Variants in GPR137C observed in about 807,000 individuals in gnomAD.
The protein encoded by GPR137C is integral membrane protein GPR137C.
A neutral mutation model predicts 43.4 loss-of-function variants in GPR137C; 27 were observed. The ratio of observed to expected loss-of-function variants is 0.62; its 90% CI spans 0.46 to 0.86. The LOEUF is 0.86. GPR137C is among the 40% of genes least tolerant of loss of function. GPR137C has a pLI of 0.00. For synonymous variants in GPR137C, 285 were observed against 226.9 expected (o/e 1.26, Z -2.30); for missense variants, 522 against 534.6 (o/e 0.98, Z 0.23).
At chr14:52,591,168 T>A (rs890286960) in intron 1 of GPR137C, among the ~76,000 whole-genome samples, 1 of 152,208 alleles carries the variant, frequency 6.6e-6, no homozygotes, top group African/African-American at 2.4e-5. Context: ...AACTCATTCT[T>A]TTTTATGGCT....
At position 52,553,532 on chromosome 14, in the gene GPR137C, T is replaced by G; in HGVS notation, c.385T>G (p.Cys129Gly). 1 of 1,609,568 alleles carries G rather than the reference T, an allele frequency of 6.2e-7. No homozygotes were observed. Among genetic ancestry groups the G allele is most frequent in the Non-Finnish European group, 8.5e-7 (1 of 1,179,524 alleles). The change falls in exon 1 of 7, where the codon TGC (cysteine) becomes GGC (glycine). Residue 129 changes from cysteine to glycine, a missense_variant. By Grantham distance (159) the Cys-to-Gly change is radical. Coordinates refer to ENST00000321662, the MANE Select transcript of GPR137C (RefSeq NM_001099652.2). The stretch of plus-strand genomic sequence containing the variant: ...CTTCTTCCCCCACTGGCTGCTCTAC[T>G]GCTTCCCCTCCTGTCTCCAGTTCTC... ...LHFFPHWLLY[C>G]FPSCLQFSTL... is the part of the protein sequence containing the mutation.
chr14:52,619,933 GAAA>G (rs574324074), intron 3 of GPR137C, among the ~76,000 whole-genome samples: 1 of 151,696 alleles, frequency 6.6e-6, no homozygotes, highest in East Asian at 1.9e-4. Flanking sequence ...AAGATTATTT[GAAA>G]AAAAATACAT....
chr14:52,567,967 C>G (rs1435416252), intron 1 of GPR137C, among the ~76,000 whole-genome samples: 1 of 152,072 alleles, frequency 6.6e-6, no homozygotes, highest in Non-Finnish European at 1.5e-5. Context: ...TGAGATTGTT[C>G]TTAAGAAATC....
intron 3 of GPR137C, among the ~76,000 whole-genome samples, chr14:52,627,292 C>T (rs12883381): frequency 6.6e-6 from 1 of 151,840 alleles, no homozygotes; most frequent in Non-Finnish European, 1.5e-5. Context: ...AACTGGGGAG[C>T]TGAGGTAGGA....
chr14:52,572,548 C>A (rs2038487580), intron 1 of GPR137C, among the ~76,000 whole-genome samples: 1 of 152,056 alleles, frequency 6.6e-6, no homozygotes, highest in African/African-American at 2.4e-5. Context: ...AATTCAACAC[C>A]CCTTCAAGCT....
At chr14:52,597,278 T>C (rs1383266610) in intron 1 of GPR137C, among the ~76,000 whole-genome samples, 2 of 152,174 alleles carry the variant, frequency 1.3e-5, no homozygotes, top group African/African-American at 2.4e-5. Context: ...AAATAGATGG[T>C]TTTTCTGTTC....
intron 3 of GPR137C, among the ~76,000 whole-genome samples, chr14:52,606,917 G>C (rs559329752): frequency 6.6e-6 from 1 of 151,806 alleles, no homozygotes; most frequent in Non-Finnish European, 1.5e-5. Flanking sequence ...TTTTGATGGA[G>C]GCATTTACTT....
chr14:52,634,068 C>G, intron 6 of GPR137C, 122 bp downstream of exon 6: 1 of 658,228 alleles, frequency 1.5e-6, no homozygotes, highest in Non-Finnish European at 2.7e-6. Flanking sequence ...TAAATAAGAT[C>G]GGCAATACTG....
intron 1 of GPR137C, among the ~76,000 whole-genome samples, chr14:52,575,191 C>T (rs1393618432): frequency 6.6e-6 from 1 of 152,064 alleles, no homozygotes; most frequent in Non-Finnish European, 1.5e-5. Context: ...TTTCTTCTCA[C>T]CCATAAATTT....
In GPR137C at chr14:52,624,871, A is replaced by G. The variant is rs80254121; in HGVS notation, c.718-7289A>G. On this transcript the variant is annotated intron_variant, in intron 3 of 6. Coordinates refer to ENST00000321662, the MANE Select transcript of GPR137C (RefSeq NM_001099652.2). ...AAAACAGTGAAAATACAAATTGCCA[A>G]TGTTATGAATGAAAGAGGGACTATC... Among the ~76,000 whole-genome samples, 315 of 152,328 alleles carry G rather than the reference A, an allele frequency of 2.1e-3. 1 individual carries two copies. The highest frequency in any genetic ancestry group is 7.2e-3 in the African/African-American group (300 of 41,578).
At chr14:52,577,056 G>GGTGCACAT (rs59291339) in intron 1 of GPR137C, among the ~76,000 whole-genome samples, 77,542 of 151,140 alleles carry the variant, frequency 0.51, 20,914 homozygotes, top group East Asian at 0.7. Context: ...CAGGCGTGGT[G>GGTGCACAT]CTGTAGTCCC....
At chr14:52,557,972 G>A (rs889192878) in intron 1 of GPR137C, among the ~76,000 whole-genome samples, 23 of 152,042 alleles carry the variant, frequency 1.5e-4, no homozygotes, top group Non-Finnish European at 3.1e-4. Context: ...TTCATCCACT[G>A]CATATGACTC....
intron 3 of GPR137C, among the ~76,000 whole-genome samples, chr14:52,628,140 C>T (rs549405374): frequency 1.3e-5 from 2 of 152,246 alleles, no homozygotes; most frequent in East Asian, 3.9e-4. Flanking sequence ...ATTAAGACAG[C>T]GTGCTACTGA....
At position 52,633,919 on chromosome 14, in the gene GPR137C, C is replaced by T; in HGVS notation, c.1085C>T (p.Pro362Leu). ...CGATATGATAGTGATGATGACCTGC[C>T]AAGACTGGGAAGTTCAAGAGAAGGA... ...PRRYDSDDDL[P>L]RLGSSREGSL... The change falls in exon 6 of 7, where the codon CCA becomes CTA. Residue 362 changes from proline (P) to leucine (L), a missense_variant. By Grantham distance (98) the Pro-to-Leu change is moderately conservative. Transcript: ENST00000321662. The T allele has an allele frequency of 6.2e-7, 1 of 1,607,022 alleles. No homozygotes were observed. Among genetic ancestry groups the T allele is most frequent in the Non-Finnish European group, 8.5e-7 (1 of 1,173,974 alleles).
intron 3 of GPR137C, chr14:52,612,375 T>C: frequency 8.5e-6 from 8 of 939,632 alleles, no homozygotes; most frequent in African/African-American, 1.8e-5. Flanking sequence ...CTTATCCTAC[T>C]GATAGGCCTT....
chr14:52,600,473 C>T (rs1261314656), intron 3 of GPR137C, 132 bp downstream of exon 3: 6 of 604,264 alleles, frequency 9.9e-6, no homozygotes, highest in Admixed American at 3.1e-5. Flanking sequence ...CAGGGTCTCG[C>T]CATATTAGTC....
chr14:52,572,108 G>A lies in GPR137C; in HGVS notation c.444+18517G>A, dbSNP rs1304407621. 2.0e-5 allele frequency among the ~76,000 whole-genome samples: 3 copies of A among 152,158 alleles called. No individual in the cohort carries two copies. The East Asian group carries it at 5.8e-4, about 29-fold the overall frequency. The stretch of plus-strand genomic sequence containing the variant: ...TCTGAAATTGAGGCAATAATTAATA[G>A]TCTACCAACCAAGAAAAGCCCAGGA... On this transcript the variant is annotated intron_variant, in intron 1 of 6. Coordinates refer to ENST00000321662, the MANE Select transcript of GPR137C (RefSeq NM_001099652.2).
chr14:52,575,238 T>C (rs2038533173), intron 1 of GPR137C, among the ~76,000 whole-genome samples: 1 of 152,136 alleles, frequency 6.6e-6, no homozygotes, highest in Admixed American at 6.5e-5. Flanking sequence ...TATTTATACT[T>C]TTTAAAAATA....
At chr14:52,589,773 G>A (rs1042985537) in intron 1 of GPR137C, among the ~76,000 whole-genome samples, 1 of 152,118 alleles carries the variant, frequency 6.6e-6, no homozygotes, top group Non-Finnish European at 1.5e-5. Flanking sequence ...ATAACCTAGT[G>A]ATGTTGCAGC....
Sources: gnomAD v4.1 joint callset for allele counts (sites outside exome capture counted in the v4.1 genomes callset) on GRCh38, gnomAD v4.1.1 for gene constraint, MANE v1.5 for transcripts, NCBI Gene and HGNC (gene_info 2026-07-23, HGNC 2026-07-21) for gene names.